ELAVL2: variants seen among roughly 807,000 people sequenced by gnomAD.
ELAVL2 encodes the protein ELAV-like protein 2.
Under a neutral mutation model 34.6 loss-of-function variants are expected in ELAVL2, and 4 were observed. The ratio of observed to expected loss-of-function variants is 0.12; its 90% CI spans 0.06 to 0.26. The LOEUF is 0.26. ELAVL2 is among the 10% of genes least tolerant of loss of function. ELAVL2 has a pLI of 1.00. For missense variants in ELAVL2, 432 were observed against 442.8 expected (o/e 0.98, Z 0.22); for synonymous variants, 193 against 154.8 (o/e 1.25, Z -1.83).
chr9:23,774,321 C>G (rs978176439), intron 1 of ELAVL2, among the ~76,000 whole-genome samples: 1 of 151,010 alleles, frequency 6.6e-6, no homozygotes, highest in Non-Finnish European at 1.5e-5. Context: ...TCTAAATGGA[C>G]AGCAAGGCTG....
intron 2 of ELAVL2, among the ~76,000 whole-genome samples, chr9:23,757,304 G>T (rs1200508434): frequency 6.6e-6 from 1 of 152,066 alleles, no homozygotes; most frequent in African/African-American, 2.4e-5. Flanking sequence ...TTGGCCATTT[G>T]CTTCATCTTT....
chr9:23,788,747 A>G (rs1266604647), intron 1 of ELAVL2, among the ~76,000 whole-genome samples: 2 of 152,196 alleles, frequency 1.3e-5, no homozygotes, highest in East Asian at 1.9e-4. Context: ...CTTGAACACG[A>G]GCAGTGCAAT....
chr9:23,846,053 T>C, the ELAVL2 span, among the ~76,000 whole-genome samples: 5 of 151,794 alleles, frequency 3.3e-5, no homozygotes, highest in Admixed American at 1.3e-4. Context: ...AACCCAAGAA[T>C]AGGCAATATT....
intron 1 of ELAVL2, among the ~76,000 whole-genome samples, chr9:23,781,176 T>C (rs574595091): frequency 6.6e-6 from 1 of 152,202 alleles, no homozygotes; most frequent in Non-Finnish European, 1.5e-5. Context: ...GAATGGCTTA[T>C]AAAAAATTTC....
At chr9:23,706,835 T>A (rs1305024555) in intron 3 of ELAVL2, among the ~76,000 whole-genome samples, 4 of 152,210 alleles carry the variant, frequency 2.6e-5, no homozygotes, top group African/African-American at 9.6e-5. Context: ...AGCTCTCTGT[T>A]GCCACTTTTT....
At chr9:23,814,881 C>A (rs2063499461) in intron 1 of ELAVL2, among the ~76,000 whole-genome samples, 1 of 152,178 alleles carries the variant, frequency 6.6e-6, no homozygotes, top group Non-Finnish European at 1.5e-5. Flanking sequence ...CCCATCCTTA[C>A]CCAATTCACT....
chr9:23,810,169 C>A (rs3793594), intron 1 of ELAVL2, among the ~76,000 whole-genome samples: 21,134 of 152,050 alleles, frequency 0.14, 1,854 homozygotes, highest in Middle Eastern at 0.19. Flanking sequence ...AAGACAGTGT[C>A]TTCATTTCCT....
intron 4 of ELAVL2, among the ~76,000 whole-genome samples, chr9:23,703,013 G>A (rs80094218): frequency 0.015 from 1,923 of 128,352 alleles, 36 homozygotes; most frequent in African/African-American, 0.048. Context: ...CACCTAAATC[G>A]GTGGTCCTCC....
chr9:23,765,893 C>T (rs1412154221), intron 1 of ELAVL2, among the ~76,000 whole-genome samples: 1 of 151,998 alleles, frequency 6.6e-6, no homozygotes, highest in Non-Finnish European at 1.5e-5. Flanking sequence ...ATGAGGCCTC[C>T]AATATAGTTA....
At chr9:23,827,993 G>C (rs546036391), upstream of ELAVL2, among the ~76,000 whole-genome samples, 8 of 152,040 alleles carry the variant, frequency 5.3e-5, no homozygotes, top group Non-Finnish European at 1.0e-4. Flanking sequence ...ACAACCTCTG[G>C]AGTCTTAATT....
chr9:23,802,423 A>T (rs1440442667), intron 1 of ELAVL2, among the ~76,000 whole-genome samples: 2 of 152,222 alleles, frequency 1.3e-5, no homozygotes, highest in African/African-American at 4.8e-5. Flanking sequence ...ATCTGGTCAT[A>T]GCATTCAAGT....
At chr9:23,728,636 G>A (rs2045834602) in intron 3 of ELAVL2, among the ~76,000 whole-genome samples, 1 of 151,984 alleles carries the variant, frequency 6.6e-6, no homozygotes, top group African/African-American at 2.4e-5. Flanking sequence ...ACTTATTTAT[G>A]GAATAGTATC....
chr9:23,809,128 C>A (rs559647679), intron 1 of ELAVL2, among the ~76,000 whole-genome samples: 2 of 152,148 alleles, frequency 1.3e-5, no homozygotes, highest in African/African-American at 2.4e-5. Context: ...CTAACCAGTA[C>A]GGAGCAGCCT....
intron 2 of ELAVL2, among the ~76,000 whole-genome samples, chr9:23,751,024 T>G (rs1418108436): frequency 6.6e-6 from 1 of 152,130 alleles, no homozygotes; most frequent in Non-Finnish European, 1.5e-5. Flanking sequence ...AGTCCAAAGG[T>G]CAAACAGGTT....
chr9:23,828,809 A>G (rs539511557), upstream of ELAVL2, among the ~76,000 whole-genome samples: 1 of 152,330 alleles, frequency 6.6e-6, no homozygotes, highest in East Asian at 1.9e-4. Context: ...GGATAGATGT[A>G]TTATAAGCAA....
chr9:23,787,799 C>T (rs1388736740), intron 1 of ELAVL2, among the ~76,000 whole-genome samples: 1 of 152,142 alleles, frequency 6.6e-6, no homozygotes, highest in Non-Finnish European at 1.5e-5. Flanking sequence ...ATGAGAACCA[C>T]TGTAAAAGAC....
chr9:23,800,048 A>G (rs1488345724), intron 1 of ELAVL2, among the ~76,000 whole-genome samples: 1 of 152,220 alleles, frequency 6.6e-6, no homozygotes, highest in Non-Finnish European at 1.5e-5. Context: ...CAAAAGCCTT[A>G]AAGTCCAATA....
chr9:23,800,524 T>G (rs1482424307), intron 1 of ELAVL2, among the ~76,000 whole-genome samples: 1 of 152,116 alleles, frequency 6.6e-6, no homozygotes, highest in African/African-American at 2.4e-5. Flanking sequence ...AAGGATGAAG[T>G]GAAATGCACT....
At chr9:23,774,103 C>T (rs527604522) in intron 1 of ELAVL2, among the ~76,000 whole-genome samples, 189 of 149,364 alleles carry the variant, frequency 1.3e-3, no homozygotes, top group Non-Finnish European at 2.0e-3. Flanking sequence ...CCCAGCTACA[C>T]GGGAGGCTGA....
Sources: gnomAD v4.1 joint callset for allele counts (sites outside exome capture counted in the v4.1 genomes callset) on GRCh38, gnomAD v4.1.1 for gene constraint, MANE v1.5 for transcripts, NCBI Gene and HGNC (gene_info 2026-07-23, HGNC 2026-07-21) for gene names.